The following CEP41 variants were observed in gnomAD, a reference collection of about 807,000 sequenced individuals.
CEP41 encodes centrosomal protein 41.
In CEP41, 32 loss-of-function variants were observed where a neutral mutation model predicts 44.3. That is an observed-to-expected ratio of 0.72 (90% CI 0.54 to 0.97). The LOEUF is 0.97. Among genes scored for constraint, CEP41 ranks in the 50% least tolerant of loss-of-function variants. CEP41 has a pLI of 0.00. For synonymous variants in CEP41, 151 were observed against 168.5 expected (o/e 0.90, Z 0.80); for missense variants, 432 against 455.2 (o/e 0.95, Z 0.46).
chr7:130,426,833 C>T, intron 2 of CEP41: 1 of 293,896 alleles, frequency 3.4e-6, no homozygotes, highest in Non-Finnish European at 6.7e-6. Context: ...AATCCTAGTT[C>T]TCTCTCCTTT....
At chr7:130,439,226 T>C (rs1238922677) in intron 1 of CEP41, among the ~76,000 whole-genome samples, 1 of 152,240 alleles carries the variant, frequency 6.6e-6, no homozygotes, top group Non-Finnish European at 1.5e-5. Context: ...TTCTTAATAA[T>C]AATCTTTCCT....
chr7:130,421,358 T>C, intron 2 of CEP41: 5 of 985,464 alleles, frequency 5.1e-6, no homozygotes, highest in Non-Finnish European at 6.0e-6. Flanking sequence ...CCCTCCTCTA[T>C]GGAGAAGTTC....
chr7:130,421,157 C>T, intron 2 of CEP41: 2 of 985,336 alleles, frequency 2.0e-6, no homozygotes, highest in Non-Finnish European at 2.4e-6. Flanking sequence ...CAGAGTGCAA[C>T]TGATTCAGTG....
intron 2 of CEP41, among the ~76,000 whole-genome samples, chr7:130,427,138 A>G (rs1186893393): frequency 6.6e-6 from 1 of 152,224 alleles, no homozygotes; most frequent in Admixed American, 6.5e-5. Flanking sequence ...CAAAGTCAAC[A>G]TCGTCATTTA....
chr7:130,400,924 C>T (rs539342915), intron 8 of CEP41, 103 bp from the exon 9 acceptor site: 15 of 774,938 alleles, frequency 1.9e-5, no homozygotes, highest in African/African-American at 5.1e-5. Flanking sequence ...TCTGAGTTCC[C>T]GGGAACGATG....
intron 2 of CEP41, among the ~76,000 whole-genome samples, chr7:130,423,315 G>A (rs1476935533): frequency 6.6e-6 from 1 of 152,042 alleles, no homozygotes; most frequent in East Asian, 1.9e-4. Context: ...CAAATGATTT[G>A]AATAGACATT....
rs1554414563 is a variant in CEP41 at position 130,396,445 on chromosome 7, C to T, written c.*2446G>A. ...TTCCTAGGAGATGCAGCAAAAATCA[C>T]ACCAGTCTCCTGTGGCTCCCCCAAA... On this transcript the variant is annotated 3_prime_UTR_variant, in exon 11 of 11. Coordinates refer to ENST00000223208, the MANE Select transcript of CEP41 (RefSeq NM_018718.3). 1.3e-5 allele frequency: 6 copies of T among 454,500 alleles called. No homozygotes were observed. The highest frequency in any genetic ancestry group is 9.3e-5 in the South Asian group (6 of 64,470). 28.2% of individuals were successfully genotyped at this position (454,500 alleles called of 1,614,324 possible).
intron 2 of CEP41, among the ~76,000 whole-genome samples, chr7:130,424,139 G>C (rs1481049574): frequency 6.6e-6 from 1 of 152,204 alleles, no homozygotes; most frequent in Non-Finnish European, 1.5e-5. Flanking sequence ...GCTCATGCCT[G>C]TAATTTCAGC....
In CEP41 at chr7:130,400,142, T is replaced by G; in HGVS notation, c.870A>C (p.Lys290Asn). The G allele has an allele frequency of 1.2e-6, 2 of 1,613,874 alleles. No homozygotes were observed. The highest frequency in any genetic ancestry group is 1.7e-6 in the Non-Finnish European group (2 of 1,179,892). The change falls in exon 10 of 11, where the codon AAA becomes AAC. Residue 290 changes from lysine (K) to asparagine (N), a missense_variant. Transcript: ENST00000223208. The stretch of plus-strand genomic sequence containing the variant: ...TATTCTCAGCTGGTAGGGGTGGCCC[T>G]TTGGGGCTGGATCGTTTCCGGGCAG... ...PGSARKRSSP[K>N]GPPLPAENKW...
At chr7:130,430,069 G>A (rs777707001) in intron 1 of CEP41, among the ~76,000 whole-genome samples, 2 of 152,106 alleles carry the variant, frequency 1.3e-5, no homozygotes, top group Non-Finnish European at 1.5e-5. Flanking sequence ...AAACATTTAC[G>A]TATAAAATAA....
At chr7:130,421,432 G>C in intron 2 of CEP41, 1 of 985,388 alleles carries the variant, frequency 1.0e-6, no homozygotes. Flanking sequence ...ACCTCAATAA[G>C]TGATATGTGT....
At position 130,396,902 on chromosome 7, in the gene CEP41, G is replaced by A. The variant is rs942323063; in HGVS notation, c.*1989C>T. 4 of 448,442 alleles carry A rather than the reference G, an allele frequency of 8.9e-6. No homozygotes were observed. The highest frequency in any genetic ancestry group is 1.8e-5 in the Non-Finnish European group (4 of 224,280). The allele number at this position is 448,442 out of a possible 1,614,324, so 27.8% of individuals were successfully genotyped here. ...TTCTAATACTCCAAAGTTGTCTGACGATGGGAACGCAGAATCGGAACAAGG... is the reference window on the plus strand; with the variant it reads ...TTCTAATACTCCAAAGTTGTCTGACAATGGGAACGCAGAATCGGAACAAGG... On this transcript the variant is annotated 3_prime_UTR_variant, in exon 11 of 11. Transcript: ENST00000223208.
chr7:130,403,586 A>T (rs1051734203), intron 6 of CEP41, among the ~76,000 whole-genome samples: 11 of 152,244 alleles, frequency 7.2e-5, no homozygotes, highest in Non-Finnish European at 1.5e-4. Flanking sequence ...TACTGGAATA[A>T]GAAGATGGTT....
intron 5 of CEP41, among the ~76,000 whole-genome samples, chr7:130,409,369 G>A (rs1236058826): frequency 6.6e-6 from 1 of 152,180 alleles, no homozygotes; most frequent in East Asian, 1.9e-4. Context: ...TCTCAACAAT[G>A]AATTAAAGGA....
At chr7:130,428,424 G>GT in intron 1 of CEP41, among the ~76,000 whole-genome samples, 1 of 69,164 alleles carries the variant, frequency 1.4e-5, no homozygotes, top group Admixed American at 2.3e-4. Context: ...GAGAGACTCT[G>GT]ACTCAAAAAA....
At chr7:130,423,890 AC>A (rs1797583652) in intron 2 of CEP41, among the ~76,000 whole-genome samples, 2 of 152,258 alleles carry the variant, frequency 1.3e-5, no homozygotes, top group Non-Finnish European at 1.5e-5. Context: ...GATTGCATCT[AC>A]ACGAAATGTT....
At chr7:130,414,249 G>C (rs375066817) in intron 3 of CEP41, among the ~76,000 whole-genome samples, 1 of 152,278 alleles carries the variant, frequency 6.6e-6, no homozygotes, top group East Asian at 1.9e-4. Flanking sequence ...GCTGCTTCTG[G>C]ATACAACAAG....
chr7:130,438,642 C>T (rs890607071), intron 1 of CEP41, among the ~76,000 whole-genome samples: 3 of 152,154 alleles, frequency 2.0e-5, no homozygotes, highest in African/African-American at 7.2e-5. Context: ...CCATCTTCCA[C>T]AATGTAGCTA....
intron 5 of CEP41, among the ~76,000 whole-genome samples, chr7:130,409,144 A>C (rs554901514): frequency 6.6e-6 from 1 of 152,224 alleles, no homozygotes; most frequent in Non-Finnish European, 1.5e-5. Flanking sequence ...TTATAAAAGG[A>C]GATTTTTATT....
Sources: allele counts gnomAD v4.1 joint callset (sites outside exome capture counted in the v4.1 genomes callset), GRCh38; gene constraint gnomAD v4.1.1; transcripts MANE v1.5; gene names NCBI Gene and HGNC (gene_info 2026-07-23, HGNC 2026-07-21).